Variants in ACER3 observed in about 807,000 individuals in gnomAD.
ACER3 encodes alkCDase 3.
A neutral mutation model predicts 48.9 loss-of-function variants in ACER3; 16 were observed. The observed-to-expected ratio is 0.33, with a 90% CI of 0.22 to 0.50. The LOEUF is 0.50. Among genes scored for constraint, ACER3 ranks in the 20% least tolerant of loss-of-function variants. ACER3 has a pLI of 0.98. For synonymous variants in ACER3, 109 were observed against 107.8 expected, an observed-to-expected ratio of 1.01 and a Z score of -0.07; for missense variants, 227 against 326.0, an observed-to-expected ratio of 0.70 and a Z score of 2.34.
At chr11:76,869,096 T>G (rs1449050653) in intron 1 of ACER3, among the ~76,000 whole-genome samples, 1 of 152,216 alleles carries the variant, frequency 6.6e-6, no homozygotes, top group Admixed American at 6.5e-5. Context: ...TTGGGACAGA[T>G]GTCTGAAGGA....
chr11:76,917,852 C>T (rs1250881121), intron 1 of ACER3, among the ~76,000 whole-genome samples: 3 of 118,388 alleles, frequency 2.5e-5, no homozygotes, highest in Admixed American at 8.1e-5. Context: ...AGAGAGAGAC[C>T]CTGTCTCAAA....
At chr11:76,866,158 G>A (rs1945086118) in intron 1 of ACER3, among the ~76,000 whole-genome samples, 1 of 151,990 alleles carries the variant, frequency 6.6e-6, no homozygotes, top group South Asian at 2.1e-4. Context: ...CCCTTGAATG[G>A]CAGTAGCGTC....
intron 7 of ACER3, among the ~76,000 whole-genome samples, chr11:77,003,889 T>C (rs1282559922): frequency 2.0e-5 from 3 of 152,350 alleles, no homozygotes; most frequent in Admixed American, 1.3e-4. Flanking sequence ...TTTGATTTCA[T>C]TGTGGTCAGA....
In ACER3 at chr11:76,874,537, T is replaced by C. The variant is rs1199001301; in HGVS notation, c.103+13458T>C. On this transcript the variant is annotated intron_variant, in intron 1 of 10. Transcript: ENST00000532485. Reference sequence around the variant, plus strand: ...AGTCAAACACTTATCTTGGTGTTGCTATGATGGTATTTAGTAAATGTGGTT... The same window carrying C: ...AGTCAAACACTTATCTTGGTGTTGCCATGATGGTATTTAGTAAATGTGGTT... Among the ~76,000 whole-genome samples the C allele has an allele frequency of 2.0e-5, 3 of 152,258 alleles. No individual in the cohort carries two copies. In the East Asian group the frequency reaches 5.8e-4, roughly 29 times the overall value.
intron 1 of ACER3, among the ~76,000 whole-genome samples, chr11:76,890,302 A>T (rs1945773326): frequency 6.6e-6 from 1 of 152,192 alleles, no homozygotes; most frequent in African/African-American, 2.4e-5. Flanking sequence ...CTGTATTGAT[A>T]ATACCTCAAG....
rs1359908091 is a variant in ACER3, at chr11:76,898,467, G to A, written c.104-28090G>A. On this transcript the variant is annotated intron_variant, in intron 1 of 10. Transcript: ENST00000532485. The stretch of plus-strand genomic sequence containing the variant: ...AGTGATCCTCCCACTTCAGCCTTCT[G>A]AATAGCTGGGACTACAGGTGCATGC... Among the ~76,000 whole-genome samples, 3 of 152,164 alleles carry A rather than the reference G, an allele frequency of 2.0e-5. No homozygotes were observed. The East Asian group carries it at 5.8e-4, about 29-fold the overall frequency.
intron 1 of ACER3, among the ~76,000 whole-genome samples, chr11:76,896,268 G>T (rs1374511425): frequency 6.6e-6 from 1 of 152,100 alleles, no homozygotes; most frequent in Admixed American, 6.5e-5. Context: ...GATCCTTACT[G>T]TTGTACAAAA....
chr11:76,985,625 T>C lies in ACER3; in HGVS notation c.321-18T>C. 6.6e-7 allele frequency: 1 copy of C among 1,506,948 alleles called. No individual in the cohort carries two copies. The highest frequency in any genetic ancestry group is 9.0e-7 in the Non-Finnish European group (1 of 1,116,370). The allele number at this position is 1,506,948 out of a possible 1,614,324, so 93.3% of individuals were successfully genotyped here. ...CTTATATATTCTTTTAAAAGTTTCTTTCTCTCTTTTTTTCAAGGTTTGAAT... is the reference window on the plus strand; with the variant it reads ...CTTATATATTCTTTTAAAAGTTTCTCTCTCTCTTTTTTTCAAGGTTTGAAT... On this transcript the variant is annotated intron_variant, in intron 4 of 10. Coordinates refer to ENST00000532485, the MANE Select transcript of ACER3 (RefSeq NM_018367.7).
chr11:76,888,504 A>C (rs545772520), intron 1 of ACER3, among the ~76,000 whole-genome samples: 2 of 152,306 alleles, frequency 1.3e-5, no homozygotes, highest in South Asian at 4.1e-4. Context: ...ACAGGGCTGC[A>C]ATCAAGGTGT....
chr11:76,882,166 G>A (rs572317732), intron 1 of ACER3, among the ~76,000 whole-genome samples: 29 of 151,834 alleles, frequency 1.9e-4, no homozygotes, highest in Admixed American at 1.3e-3. Flanking sequence ...CACCACGCCC[G>A]GCTAATTTTT....
At chr11:76,938,226 G>C (rs1343578754) in intron 2 of ACER3, among the ~76,000 whole-genome samples, 7 of 152,194 alleles carry the variant, frequency 4.6e-5, no homozygotes, top group Admixed American at 4.6e-4. Context: ...TGTTGCCCAG[G>C]CTGGTTTGGA....
intron 7 of ACER3, among the ~76,000 whole-genome samples, chr11:77,008,457 G>A (rs1009316619): frequency 1.4e-4 from 21 of 152,168 alleles, no homozygotes; most frequent in African/African-American, 5.1e-4. Context: ...TCTTCCATCT[G>A]TCTTGCCACA....
chr11:76,861,359 G>T lies in ACER3; in HGVS notation c.103+280G>T, dbSNP rs959510870. Reference sequence around the variant, plus strand: ...AGTGGGGAGCCCCTGCTGGACCTAAGGGGGAAAGCCTGAAGAGCCGGGTTG... The same window carrying T: ...AGTGGGGAGCCCCTGCTGGACCTAATGGGGAAAGCCTGAAGAGCCGGGTTG... On this transcript the variant is annotated intron_variant, in intron 1 of 10. Transcript: ENST00000532485. Among the ~76,000 whole-genome samples the T allele has an allele frequency of 5.9e-5, 9 of 151,998 alleles. No individual in the cohort carries two copies. In the East Asian group the frequency reaches 9.7e-4, roughly 16 times the overall value.
chr11:76,915,761 C>T (rs1222256100), intron 1 of ACER3, among the ~76,000 whole-genome samples: 18 of 152,154 alleles, frequency 1.2e-4, no homozygotes, highest in Admixed American at 1.0e-3. Flanking sequence ...TGGAAGAAGG[C>T]GAAGGGGAAG....
At chr11:76,981,125 C>T (rs1948574173) in intron 4 of ACER3, among the ~76,000 whole-genome samples, 1 of 152,108 alleles carries the variant, frequency 6.6e-6, no homozygotes, top group South Asian at 2.1e-4. Flanking sequence ...GCATGGTGTC[C>T]TGTCATAGTG....
chr11:76,899,719 A>G (rs1946032298), intron 1 of ACER3, among the ~76,000 whole-genome samples: 1 of 152,174 alleles, frequency 6.6e-6, no homozygotes, highest in African/African-American at 2.4e-5. Flanking sequence ...TTATCTTAGT[A>G]GCTTTGCCTC....
intron 1 of ACER3, among the ~76,000 whole-genome samples, chr11:76,917,509 T>A (rs1421877342): frequency 6.7e-6 from 1 of 149,720 alleles, no homozygotes; most frequent in African/African-American, 2.5e-5. Context: ...AGCTTAGGGG[T>A]TCGAGACCAG....
chr11:76,870,521 A>G (rs1371766221), intron 1 of ACER3, among the ~76,000 whole-genome samples: 1 of 152,164 alleles, frequency 6.6e-6, no homozygotes, highest in Non-Finnish European at 1.5e-5. Flanking sequence ...ACATGGGTGT[A>G]CAAATATCTC....
intron 1 of ACER3, among the ~76,000 whole-genome samples, chr11:76,919,554 A>G (rs559813293): frequency 2.6e-5 from 4 of 152,154 alleles, no homozygotes; most frequent in Non-Finnish European, 2.9e-5. Flanking sequence ...TCAAAATAAG[A>G]CTTTCCTTCC....
Sources: allele counts gnomAD v4.1 joint callset (sites outside exome capture counted in the v4.1 genomes callset), GRCh38; gene constraint gnomAD v4.1.1; transcripts MANE v1.5; gene names NCBI Gene and HGNC (gene_info 2026-07-23, HGNC 2026-07-21).